Variants in SNX29 observed in about 807,000 individuals in gnomAD.
SNX29 encodes sorting nexin 29.
In SNX29, 78 loss-of-function variants were observed where a neutral mutation model predicts 102.1. That is an observed-to-expected ratio of 0.76 (90% CI 0.64 to 0.92). The LOEUF is 0.92. SNX29 is among the 40% of genes least tolerant of loss of function. SNX29 has a pLI of 0.00. For missense variants in SNX29, 1,280 were observed against 1,061.7 expected (o/e 1.21, Z -2.86); for synonymous variants, 580 against 414.5 (o/e 1.40, Z -4.85).
intron 14 of SNX29, among the ~76,000 whole-genome samples, chr16:12,255,608 A>G (rs535521735): frequency 9.9e-5 from 15 of 152,264 alleles, no homozygotes; most frequent in Middle Eastern, 3.4e-3. Flanking sequence ...ATAAGATTCC[A>G]TATGAGTGAG....
At chr16:12,380,769 C>CTCAT (rs2083078311) in intron 16 of SNX29, among the ~76,000 whole-genome samples, 1 of 93,642 alleles carries the variant, frequency 1.1e-5, no homozygotes, top group Admixed American at 1.0e-4. Context: ...CACCCACCCA[C>CTCAT]CATCCATCCA....
At chr16:12,394,580 G>C (rs903886233) in intron 16 of SNX29, among the ~76,000 whole-genome samples, 4 of 152,074 alleles carry the variant, frequency 2.6e-5, no homozygotes, top group African/African-American at 4.8e-5. Flanking sequence ...ATGTGGTGTC[G>C]ACCAGGGCTT....
chr16:12,184,481 A>G (rs1025466371), intron 13 of SNX29, among the ~76,000 whole-genome samples: 1 of 152,216 alleles, frequency 6.6e-6, no homozygotes, highest in African/African-American at 2.4e-5. Flanking sequence ...CAGATCTCCT[A>G]GAGCCTCCTG....
intron 20 of SNX29, among the ~76,000 whole-genome samples, chr16:12,536,640 C>T (rs1366991097): frequency 6.6e-6 from 1 of 152,134 alleles, no homozygotes; most frequent in East Asian, 1.9e-4. Flanking sequence ...GTGTATACAG[C>T]TAATTTCTGG....
intron 15 of SNX29, among the ~76,000 whole-genome samples, chr16:12,278,851 G>A (rs1203386402): frequency 6.6e-6 from 1 of 152,118 alleles, no homozygotes; most frequent in African/African-American, 2.4e-5. Context: ...CTGCATGTTG[G>A]GAAATTCATC....
intron 3 of SNX29, among the ~76,000 whole-genome samples, chr16:12,018,531 C>T (rs1370814966): frequency 2.0e-5 from 3 of 150,410 alleles, no homozygotes; most frequent in African/African-American, 7.3e-5. Context: ...TGCAGTGAGC[C>T]GAGATCGTGT....
chr16:12,088,129 A>C, intron 11 of SNX29: 1 of 456,590 alleles, frequency 2.2e-6, no homozygotes, highest in Non-Finnish European at 4.4e-6. Flanking sequence ...GCTGCAGGGC[A>C]CCAGCTCAGT....
intron 11 of SNX29, among the ~76,000 whole-genome samples, chr16:12,122,230 A>G (rs879472721): frequency 3.9e-5 from 6 of 152,200 alleles, no homozygotes; most frequent in Non-Finnish European, 5.9e-5. Context: ...CTCTTGGGCC[A>G]GATGCCTCTG....
chr16:12,326,985 C>T lies in SNX29; in HGVS notation c.1783-29178C>T, dbSNP rs147736673. The stretch of plus-strand genomic sequence containing the variant: ...AGAGAAACACTGAAGGCTTTGGGGG[C>T]GTGGCTGATGATGGGGTTGACCGAT... On this transcript the variant is annotated intron_variant, in intron 15 of 20. Transcript: ENST00000566228. Among the ~76,000 whole-genome samples, 445 of 152,190 alleles carry T rather than the reference C, an allele frequency of 2.9e-3. 3 individuals carry two copies. The highest frequency in any genetic ancestry group is 9.2e-3 in the African/African-American group (382 of 41,520).
In SNX29 at chr16:12,066,980, AAAATAAATAAATAAAT is replaced by A. The variant is rs34221283; in HGVS notation, c.1244-2038_1244-2023del. On this transcript the variant is annotated intron_variant, in intron 9 of 20. Coordinates refer to ENST00000566228, the MANE Select transcript of SNX29 (RefSeq NM_032167.5). Reference sequence around the variant, plus strand: ...GGCAACATAGTGAGACCGTGTCTCTAAAATAAATAAATAAATAAATAAATAAATAAATAAATAAATA... The same window carrying A: ...GGCAACATAGTGAGACCGTGTCTCTAAAATAAATAAATAAATAAATAAATA... Among the ~76,000 whole-genome samples the A allele has an allele frequency of 9.4e-3, 1,259 of 133,736 alleles. 15 individuals carry two copies. The highest frequency in any genetic ancestry group is 0.03 in the African/African-American group (1,064 of 35,332). 87.7% of individuals were successfully genotyped at this position (133,736 alleles called of 152,430 possible).
At chr16:12,532,623 G>C (rs969035378) in intron 20 of SNX29, among the ~76,000 whole-genome samples, 2 of 152,142 alleles carry the variant, frequency 1.3e-5, no homozygotes, top group Non-Finnish European at 2.9e-5. Context: ...ACACTCTTTG[G>C]GATGCGATTT....
chr16:12,285,806 A>G (rs2079576124), intron 15 of SNX29, among the ~76,000 whole-genome samples: 1 of 152,206 alleles, frequency 6.6e-6, no homozygotes, highest in African/African-American at 2.4e-5. Flanking sequence ...GCTGAGATCT[A>G]CATTAAACTG....
At chr16:12,272,142 T>A (rs1442796291) in intron 14 of SNX29, among the ~76,000 whole-genome samples, 1 of 152,210 alleles carries the variant, frequency 6.6e-6, no homozygotes, top group Non-Finnish European at 1.5e-5. Context: ...CCCAAGCCTT[T>A]AAGGTCAAAA....
intron 20 of SNX29, among the ~76,000 whole-genome samples, chr16:12,556,127 C>G (rs961101802): frequency 2.0e-5 from 3 of 152,128 alleles, no homozygotes; most frequent in Non-Finnish European, 2.9e-5. Flanking sequence ...CTCTTATGTT[C>G]TCAAAGTGAT....
At chr16:12,187,043 G>C (rs777640739) in intron 13 of SNX29, among the ~76,000 whole-genome samples, 8 of 152,198 alleles carry the variant, frequency 5.3e-5, no homozygotes, top group Non-Finnish European at 1.2e-4. Context: ...AGACCTGATG[G>C]GTCCCGGAGG....
chr16:12,230,417 T>G (rs2077734349), intron 14 of SNX29, among the ~76,000 whole-genome samples: 1 of 152,206 alleles, frequency 6.6e-6, no homozygotes, highest in African/African-American at 2.4e-5. Context: ...GAAAGATGCC[T>G]TGGTAAACAC....
chr16:12,472,387 C>T (rs770872719), intron 18 of SNX29, among the ~76,000 whole-genome samples: 45 of 151,948 alleles, frequency 3.0e-4, no homozygotes, highest in Non-Finnish European at 5.4e-4. Context: ...AGGCGTGTGG[C>T]AGGCACCTGT....
chr16:12,404,859 G>T (rs2084099674), intron 18 of SNX29, among the ~76,000 whole-genome samples: 1 of 152,148 alleles, frequency 6.6e-6, no homozygotes, highest in Non-Finnish European at 1.5e-5. Context: ...AATGACCGCT[G>T]TGCTTGGTCT....
chr16:12,292,164 AG>A (rs1053769608), intron 15 of SNX29, among the ~76,000 whole-genome samples: 2 of 152,090 alleles, frequency 1.3e-5, no homozygotes, highest in African/African-American at 4.8e-5. Context: ...AGGGTGGGGA[AG>A]GGCAGTCCAG....
Sources: allele counts gnomAD v4.1 joint callset (sites outside exome capture counted in the v4.1 genomes callset), GRCh38; gene constraint gnomAD v4.1.1; transcripts MANE v1.5; gene names NCBI Gene and HGNC (gene_info 2026-07-23, HGNC 2026-07-21).